Variants in ZDHHC21 observed in about 807,000 individuals in gnomAD.
ZDHHC21 encodes zDHHC palmitoyltransferase 21, also known as palmitoyltransferase ZDHHC21.
In ZDHHC21, 15 loss-of-function variants were observed where a neutral mutation model predicts 34.6. The ratio of observed to expected loss-of-function variants is 0.43; its 90% CI spans 0.29 to 0.67. The LOEUF (loss-of-function observed/expected upper bound fraction) is 0.67. ZDHHC21 is among the 30% of genes least tolerant of loss of function. The probability of loss-of-function intolerance (pLI) is 0.14; values close to 1 mark genes in which losing one functional copy is unlikely to be tolerated. For missense variants in ZDHHC21, 344 were observed against 327.7 expected, an observed-to-expected ratio of 1.05 and a Z score of -0.38; for synonymous variants, 142 against 101.8, an observed-to-expected ratio of 1.40 and a Z score of -2.38.
intron 1 of ZDHHC21, among the ~76,000 whole-genome samples, chr9:14,691,933 T>C (rs1175446682): frequency 3.3e-5 from 5 of 152,220 alleles, no homozygotes; most frequent in Admixed American, 3.3e-4. Context: ...TTAAATAATT[T>C]AGTCTGGCTC....
chr9:14,667,632 C>T (rs1350214556), intron 5 of ZDHHC21, among the ~76,000 whole-genome samples: 1 of 92,060 alleles, frequency 1.1e-5, no homozygotes, highest in African/African-American at 4.6e-5. Context: ...TCCAGCAGCA[C>T]ATCAAAAAGC....
At chr9:14,597,697 G>A in the ZDHHC21 span, among the ~76,000 whole-genome samples, 1 of 152,016 alleles carries the variant, frequency 6.6e-6, no homozygotes, top group Non-Finnish European at 1.5e-5. Context: ...CTCCATCCAA[G>A]TGCACCATCC....
intron 8 of ZDHHC21, among the ~76,000 whole-genome samples, chr9:14,636,811 G>A (rs748913897): frequency 2.0e-5 from 3 of 152,016 alleles, no homozygotes; most frequent in Non-Finnish European, 4.4e-5. Flanking sequence ...AACAACCAGT[G>A]GGCCAAGAAA....
At chr9:14,643,778 A>T (rs1176274255) in intron 7 of ZDHHC21, among the ~76,000 whole-genome samples, 1 of 152,206 alleles carries the variant, frequency 6.6e-6, no homozygotes, top group Non-Finnish European at 1.5e-5. Context: ...GGAATGACTT[A>T]TCTAAAAAGC....
At chr9:14,660,354 C>A (rs1339565647) in intron 6 of ZDHHC21, among the ~76,000 whole-genome samples, 3 of 94,208 alleles carry the variant, frequency 3.2e-5, no homozygotes, top group African/African-American at 8.6e-5. Flanking sequence ...GCCTGGGCAA[C>A]AGAGTAAGAC....
chr9:14,619,617 T>C, intron 9 of ZDHHC21, 22 bp downstream of exon 9: 1 of 1,394,238 alleles, frequency 7.2e-7, no homozygotes, highest in Non-Finnish European at 9.9e-7. Flanking sequence ...AATAATACTA[T>C]ACACTTCAGT....
rs1028047808 is a variant in ZDHHC21, at chr9:14,616,570, G to C, written c.*2396C>G. 6.6e-6 allele frequency: 1 copy of C among 151,728 alleles called. No individual in the cohort carries two copies. The highest frequency in any genetic ancestry group is 2.1e-4 in the South Asian group (1 of 4,820). 9.4% of individuals were successfully genotyped at this position (151,728 alleles called of 1,614,324 possible). Reference sequence around the variant, plus strand: ...GTATAATTACATCAATTAGCCAAAAGAGGGCGCAGAAACAACACCAGTAGA... The same window carrying C: ...GTATAATTACATCAATTAGCCAAAACAGGGCGCAGAAACAACACCAGTAGA... On this transcript the variant is annotated 3_prime_UTR_variant, in exon 10 of 10. Transcript: ENST00000380916.
rs575278968 is a variant in ZDHHC21 at position 14,678,353 on chromosome 9, AT to A, written c.-46+1679del. ...GAAAAGCAAAGTTAAAAGACAAAGCATTCCTGGAAAAAATACTGCAACACAT... is the reference window on the plus strand; with the variant it reads ...GAAAAGCAAAGTTAAAAGACAAAGCATCCTGGAAAAAATACTGCAACACAT... On this transcript the variant is annotated intron_variant, in intron 3 of 9. Coordinates refer to ENST00000380916, the MANE Select transcript of ZDHHC21 (RefSeq NM_178566.6). Among the ~76,000 whole-genome samples, 6 of 151,382 alleles carry A rather than the reference AT, an allele frequency of 4.0e-5. No individual in the cohort carries two copies. In the East Asian group the frequency reaches 1.2e-3, roughly 29 times the overall value.
rs1056232698 is a variant in ZDHHC21, at chr9:14,617,426, G to C, written c.*1540C>G. On this transcript the variant is annotated 3_prime_UTR_variant, in exon 10 of 10. Transcript: ENST00000380916. ...ATGCTACAAGATATTTACAATTTCTGAAAGAACTAACCACAGTATAGCCAA... is the reference window on the plus strand; with the variant it reads ...ATGCTACAAGATATTTACAATTTCTCAAAGAACTAACCACAGTATAGCCAA... The C allele has an allele frequency of 8.6e-5, 13 of 151,910 alleles. No individual in the cohort carries two copies. Among genetic ancestry groups the C allele is most frequent in the African/African-American group, 3.1e-4 (13 of 41,406 alleles). The allele number at this position is 151,910 out of a possible 1,614,324, so 9.4% of individuals were successfully genotyped here. A position where few individuals can be genotyped will look rare whatever the true frequency, so the allele number is the denominator to read the frequency against.
chr9:14,644,505 T>G (rs1399261740), intron 7 of ZDHHC21, among the ~76,000 whole-genome samples: 1 of 151,862 alleles, frequency 6.6e-6, no homozygotes, highest in African/African-American at 2.4e-5. Context: ...TGATTTTGTG[T>G]GTTTTTTTTT....
chr9:14,677,580 T>C (rs185823995), intron 3 of ZDHHC21: 103 of 152,176 alleles, frequency 6.8e-4, no homozygotes, highest in African/African-American at 2.2e-3. Context: ...GACATACTAA[T>C]TTGTATATTA....
intron 6 of ZDHHC21, 29 bp from the exon 7 acceptor site, chr9:14,658,916 T>C (rs748954021): frequency 3.8e-6 from 6 of 1,589,504 alleles, no homozygotes; most frequent in Non-Finnish European, 5.1e-6. Context: ...AAAGAAACAA[T>C]ATTTTAAATT....
intron 5 of ZDHHC21, among the ~76,000 whole-genome samples, chr9:14,670,093 C>T (rs543798649): frequency 2.0e-4 from 31 of 151,464 alleles, no homozygotes; most frequent in African/African-American, 6.8e-4. Context: ...AGGAAGGAGG[C>T]GCTCCACAAC....
Position 14,615,512 on chromosome 9 carries a change from A to T in ZDHHC21, c.*3454T>A, listed in dbSNP as rs1824008431. 1 of 151,776 alleles carries T rather than the reference A, an allele frequency of 6.6e-6. No individual in the cohort carries two copies. The highest frequency in any genetic ancestry group is 2.1e-4 in the South Asian group (1 of 4,834). 9.4% of individuals were successfully genotyped at this position (151,776 alleles called of 1,614,324 possible). ...AACAGCTATTTCTAATGTTAAGCACAAATATTTGTAATACAACTCTTAAGC... is the reference window on the plus strand; with the variant it reads ...AACAGCTATTTCTAATGTTAAGCACTAATATTTGTAATACAACTCTTAAGC... On this transcript the variant is annotated 3_prime_UTR_variant, in exon 10 of 10. Transcript: ENST00000380916.
At chr9:14,620,675 A>G (rs1275797281) in intron 8 of ZDHHC21, among the ~76,000 whole-genome samples, 1 of 152,026 alleles carries the variant, frequency 6.6e-6, no homozygotes, top group African/African-American at 2.4e-5. Context: ...ACCTTCACTC[A>G]AAAACAACTC....
rs1166895597 is a variant in ZDHHC21 at position 14,674,167 on chromosome 9, A to G, written c.154+20T>C. The stretch of plus-strand genomic sequence containing the variant: ...ATGAGAAAAATAATTATACAAGAAA[A>G]TAAAGATCAAGAAACTTACTTATTA... On this transcript the variant is annotated intron_variant, in intron 4 of 9. Coordinates refer to ENST00000380916, the MANE Select transcript of ZDHHC21 (RefSeq NM_178566.6). 1.4e-6 allele frequency: 2 copies of G among 1,456,392 alleles called. No homozygotes were observed. The highest frequency in any genetic ancestry group is 1.8e-6 in the Non-Finnish European group (2 of 1,100,952). The allele number at this position is 1,456,392 out of a possible 1,614,324, so 90.2% of individuals were successfully genotyped here. A position where few individuals can be genotyped will look rare whatever the true frequency, so the allele number is the denominator to read the frequency against.
At chr9:14,656,677 A>G (rs1032701382) in intron 7 of ZDHHC21, among the ~76,000 whole-genome samples, 1 of 151,916 alleles carries the variant, frequency 6.6e-6, no homozygotes, top group Non-Finnish European at 1.5e-5. Flanking sequence ...GCACTACTAG[A>G]CACAAGTAAC....
At chr9:14,603,250 T>G in the ZDHHC21 span, among the ~76,000 whole-genome samples, 22 of 152,188 alleles carry the variant, frequency 1.4e-4, no homozygotes, top group Non-Finnish European at 2.8e-4. Context: ...TGTATTAAAC[T>G]CCAAATTATA....
At chr9:14,669,142 A>C (rs1835011343) in intron 5 of ZDHHC21, among the ~76,000 whole-genome samples, 2 of 133,312 alleles carry the variant, frequency 1.5e-5, no homozygotes, top group African/African-American at 2.7e-5. Context: ...CAATGAACTC[A>C]AACAAATTTA....
Sources: allele counts gnomAD v4.1 joint callset (sites outside exome capture counted in the v4.1 genomes callset), GRCh38; gene constraint gnomAD v4.1.1; transcripts MANE v1.5; gene names NCBI Gene and HGNC (gene_info 2026-07-23, HGNC 2026-07-21).